Variants in FOXK1 observed in about 807,000 individuals in gnomAD.
FOXK1 encodes forkhead box protein K1.
Under a neutral mutation model 51.9 loss-of-function variants are expected in FOXK1, and 19 were observed. That is an observed-to-expected ratio of 0.37 (90% CI 0.26 to 0.54). The LOEUF (loss-of-function observed/expected upper bound fraction) is 0.54. Ranked by LOEUF, FOXK1 falls within the 20% of genes least tolerant of loss-of-function variation. The pLI is 0.87. For missense variants in FOXK1, 870 were observed against 1,032.7 expected (o/e 0.84, Z 2.16); for synonymous variants, 537 against 482.6 (o/e 1.11, Z -1.48).
chr7:4,720,780 G>A (rs1415217672), intron 1 of FOXK1, among the ~76,000 whole-genome samples: 3 of 151,032 alleles, frequency 2.0e-5, no homozygotes, highest in African/African-American at 4.9e-5. Flanking sequence ...GTGCAGTGGC[G>A]CGATCTTGGC....
In FOXK1 at chr7:4,748,040, TAAAGGAAC is replaced by T. The variant is rs1345490950; in HGVS notation, c.747-6417_747-6410del. Among the ~76,000 whole-genome samples, 1 of 152,244 alleles carries T rather than the reference TAAAGGAAC, an allele frequency of 6.6e-6. No individual in the cohort carries two copies. Among genetic ancestry groups the T allele is most frequent in the Non-Finnish European group, 1.5e-5 (1 of 68,038 alleles). The stretch of plus-strand genomic sequence containing the variant: ...GCATTTTACAATGTCGGATTTATCT[TAAAGGAAC>T]ACATTCTTTAAGATCATTCTAAGAA... On this transcript the variant is annotated intron_variant, in intron 2 of 8. Transcript: ENST00000328914. The surrounding 1 kb of genome is among the most constrained non-coding windows in gnomAD (Gnocchi z 4.9).
chr7:4,726,700 T>C lies in FOXK1; in HGVS notation c.561-14138T>C, dbSNP rs1213599650. ...ACAGCGGGAGCTCACTCCTGCCATG[T>C]CGCTCTTGTTTCTTCTCCCCTCTGC... On this transcript the variant is annotated intron_variant, in intron 1 of 8. Transcript: ENST00000328914. Among the ~76,000 whole-genome samples the C allele has an allele frequency of 2.0e-5, 3 of 152,036 alleles. No homozygotes were observed. In the East Asian group the frequency reaches 5.8e-4, roughly 29 times the overall value.
chr7:4,755,353 C>G lies in FOXK1; in HGVS notation c.1020C>G (p.Pro340=). 1 of 1,613,698 alleles carries G rather than the reference C, an allele frequency of 6.2e-7. No individual in the cohort carries two copies. ...ACGCCCACATCACCAAGCATTACCC[C>G]TACTACCGGACGGCCGACAAAGGCT... ...GIYAHITKHY[P]YYRTADKGWQ... The change falls in exon 4 of 9, where the codon CCC becomes CCG. Residue 340 remains proline, a synonymous_variant. Transcript: ENST00000328914. The surrounding 1 kb of genome is among the most constrained non-coding windows in gnomAD (Gnocchi z 6.6).
Position 4,730,054 on chromosome 7 carries a change from G to T in FOXK1, c.561-10784G>T, listed in dbSNP as rs763691187. 6.6e-6 allele frequency among the ~76,000 whole-genome samples: 1 copy of T among 152,176 alleles called. No individual in the cohort carries two copies. ...CGGCTTCGGTCAGACCGTTGTCTGC[G>T]TTTTTCACCGCGTGTCACCGACTCA... is the stretch of plus-strand genomic sequence containing the variant. On this transcript the variant is annotated intron_variant, in intron 1 of 8. Transcript: ENST00000328914. The surrounding 1 kb of genome is among the most constrained non-coding windows in gnomAD (Gnocchi z 4.7).
At chr7:4,697,116 C>T (rs1779963352) in intron 1 of FOXK1, among the ~76,000 whole-genome samples, 1 of 152,164 alleles carries the variant, frequency 6.6e-6, no homozygotes, top group African/African-American at 2.4e-5. Flanking sequence ...GATTCAGGGA[C>T]CCAGGCTGGC....
Position 4,682,510 on chromosome 7 carries a change from G to GCGGGCT in FOXK1, c.204_209dup (p.Gly69_Ser70dup), listed in dbSNP as rs1461763671. ...GCTGCCTCCGGGCGCGATCGCGGGC[G>GCGGGCT]CGGGCTCCTCCGGGGGCTCCTCCGG... On this transcript the variant is annotated inframe_insertion, in exon 1 of 9. Transcript: ENST00000328914. This position sits in a 1 kb window ranked among gnomAD's most constrained non-coding sequence, Gnocchi z 7.6. 188 of 1,060,516 alleles carry GCGGGCT rather than the reference G, an allele frequency of 1.8e-4. No homozygotes were observed. The African/African-American group carries it at 2.4e-3, about 13-fold the overall frequency. The allele number at this position is 1,060,516 out of a possible 1,614,324, so 65.7% of individuals were successfully genotyped here. A position where few individuals can be genotyped will look rare whatever the true frequency, so the allele number is the denominator to read the frequency against.
intron 1 of FOXK1, among the ~76,000 whole-genome samples, chr7:4,702,669 G>A (rs773485602): frequency 6.6e-6 from 1 of 152,194 alleles, no homozygotes; most frequent in African/African-American, 2.4e-5. Context: ...TAGTTCACGC[G>A]AGTTTTCAGG....
rs898631181 is a variant in FOXK1 at position 4,731,971 on chromosome 7, C to T, written c.561-8867C>T. ...CACACGGAGGCCGGGCTGGCCAGGG[C>T]GGGGCTCAGATTCAGTGACTTGCCC... On this transcript the variant is annotated intron_variant, in intron 1 of 8. Transcript: ENST00000328914. The surrounding 1 kb of genome is among the most constrained non-coding windows in gnomAD (Gnocchi z 5.3). Among the ~76,000 whole-genome samples, 8 of 152,178 alleles carry T rather than the reference C, an allele frequency of 5.3e-5. No homozygotes were observed. Among genetic ancestry groups the T allele is most frequent in the African/African-American group, 1.7e-4 (7 of 41,442 alleles).
At chr7:4,697,340 G>A (rs1475283993) in intron 1 of FOXK1, among the ~76,000 whole-genome samples, 1 of 152,254 alleles carries the variant, frequency 6.6e-6, no homozygotes, top group Non-Finnish European at 1.5e-5. Flanking sequence ...CAGCTAGCCG[G>A]TATTCACGGC....
rs891971349 is a variant in FOXK1, at chr7:4,735,250, C to A, written c.561-5588C>A. ...CCAAGTCACCAGTTTGGCCCAACTTCCAGGAGCCATCAGCTTCTGGGTGGA... is the reference window on the plus strand; with the variant it reads ...CCAAGTCACCAGTTTGGCCCAACTTACAGGAGCCATCAGCTTCTGGGTGGA... On this transcript the variant is annotated intron_variant, in intron 1 of 8. Transcript: ENST00000328914. The surrounding 1 kb of genome is among the most constrained non-coding windows in gnomAD (Gnocchi z 4.7). Among the ~76,000 whole-genome samples the A allele has an allele frequency of 6.6e-6, 1 of 152,234 alleles. No individual in the cohort carries two copies. The highest frequency in any genetic ancestry group is 2.4e-5 in the African/African-American group (1 of 41,556).
intron 1 of FOXK1, among the ~76,000 whole-genome samples, chr7:4,732,891 C>T (rs1780499922): frequency 6.6e-6 from 1 of 152,222 alleles, no homozygotes. Flanking sequence ...TATCTTCTTA[C>T]TCGTCCAGCG....
chr7:4,728,328 A>T (rs576067001), intron 1 of FOXK1, among the ~76,000 whole-genome samples: 143 of 152,368 alleles, frequency 9.4e-4, no homozygotes, highest in African/African-American at 3.2e-3. Context: ...ATTTCCAAAG[A>T]GCACCCAGAT....
At position 4,762,446 on chromosome 7, in the gene FOXK1, G is replaced by A. The variant is rs1243426409; in HGVS notation, c.2184G>A (p.Gly728=). Residue 728 remains glycine, a synonymous_variant, in exon 9 of 9, where the codon GGG becomes GGA. Coordinates refer to ENST00000328914, the MANE Select transcript of FOXK1 (RefSeq NM_001037165.2). This position sits in a 1 kb window ranked among gnomAD's most constrained non-coding sequence, Gnocchi z 5.7. ...TGATCGCAGCTGCCGGCCCCCAGGG[G>A]CCAGGCACCGGGGAGTGAGGTCACC... ...AGVIAAAGPQ[G]PGTGE 1 of 1,544,668 alleles carries A rather than the reference G, an allele frequency of 6.5e-7. No homozygotes were observed. Among genetic ancestry groups the A allele is most frequent in the Non-Finnish European group, 8.7e-7 (1 of 1,143,612 alleles).
At position 4,707,709 on chromosome 7, in the gene FOXK1, G is replaced by T. The variant is rs1265477333; in HGVS notation, c.560+24841G>T. 5.3e-4 allele frequency among the ~76,000 whole-genome samples: 80 copies of T among 151,328 alleles called. No individual in the cohort carries two copies. The highest frequency in any genetic ancestry group is 9.9e-4 in the Non-Finnish European group (67 of 67,864). ...TTTCACTTTTTTTTTTTTTGAGACG[G>T]ACTCTCTCTCCGTTGCCCAGGCTGG... is the stretch of plus-strand genomic sequence containing the variant. On this transcript the variant is annotated intron_variant, in intron 1 of 8. Transcript: ENST00000328914. This position sits in a 1 kb window ranked among gnomAD's most constrained non-coding sequence, Gnocchi z 4.1.
intron 1 of FOXK1, among the ~76,000 whole-genome samples, chr7:4,718,963 C>A (rs1268629752): frequency 6.6e-6 from 1 of 152,112 alleles, no homozygotes; most frequent in Non-Finnish European, 1.5e-5. Flanking sequence ...GGACCCGCCA[C>A]CACGCCCGGC....
At chr7:4,738,092 A>C (rs1389846715) in intron 1 of FOXK1, among the ~76,000 whole-genome samples, 1 of 147,602 alleles carries the variant, frequency 6.8e-6, no homozygotes, top group Non-Finnish European at 1.5e-5. Flanking sequence ...ATTGCACTCC[A>C]CCCTGGGCAA....
intron 2 of FOXK1, among the ~76,000 whole-genome samples, chr7:4,752,353 C>T (rs1306366110): frequency 1.3e-5 from 2 of 152,170 alleles, no homozygotes; most frequent in African/African-American, 2.4e-5. Flanking sequence ...CTATGTTGCC[C>T]AGGCTAGTTT....
intron 1 of FOXK1, among the ~76,000 whole-genome samples, chr7:4,700,763 GCTATAATCGCACCA>G (rs1780011151): frequency 6.6e-6 from 1 of 152,112 alleles, no homozygotes; most frequent in Non-Finnish European, 1.5e-5. Flanking sequence ...GCTGCAGTGA[GCTATAATCGCACCA>G]CTACACTGCA....
intron 2 of FOXK1, among the ~76,000 whole-genome samples, chr7:4,746,724 G>A (rs1366175530): frequency 6.6e-6 from 1 of 152,204 alleles, no homozygotes; most frequent in Non-Finnish European, 1.5e-5. Flanking sequence ...GTTTGTGGCT[G>A]CAGCCTTCCG....
Sources: gnomAD v4.1 joint callset for allele counts (sites outside exome capture counted in the v4.1 genomes callset) on GRCh38, gnomAD v4.1.1 for gene constraint, Gnocchi (gnomAD v3.1) non-coding constraint, MANE v1.5 for transcripts, NCBI Gene and HGNC (gene_info 2026-07-23, HGNC 2026-07-21) for gene names.